The following GNG12 variants were observed in gnomAD, a reference collection of about 807,000 sequenced individuals.
The protein encoded by GNG12 is G protein subunit gamma 12.
For synonymous variants in GNG12, 28 were observed against 29.7 expected, an observed-to-expected ratio of 0.94 and a Z score of 0.19; for missense variants, 69 against 83.8, an observed-to-expected ratio of 0.82 and a Z score of 0.69.
At chr1:67,763,131 A>C (rs1423291568) in intron 2 of GNG12, among the ~76,000 whole-genome samples, 2 of 47,954 alleles carry the variant, frequency 4.2e-5, no homozygotes, top group Non-Finnish European at 1.1e-4. Flanking sequence ...ATCAATATGA[A>C]GTTTTACTCC....
chr1:67,715,368 C>T (rs1437403724), intron 2 of GNG12, among the ~76,000 whole-genome samples: 1 of 152,188 alleles, frequency 6.6e-6, no homozygotes, highest in Non-Finnish European at 1.5e-5. Flanking sequence ...TTATGGCGTT[C>T]CTAGCACACT....
chr1:67,722,013 A>G (rs1646358997), intron 2 of GNG12, among the ~76,000 whole-genome samples: 1 of 152,120 alleles, frequency 6.6e-6, no homozygotes, highest in Non-Finnish European at 1.5e-5. Context: ...CAACAGAGAT[A>G]TTTATGATTC....
intron 1 of GNG12, among the ~76,000 whole-genome samples, chr1:67,779,497 T>C (rs1646724943): frequency 6.7e-6 from 1 of 148,542 alleles, no homozygotes; most frequent in South Asian, 2.1e-4. Context: ...CTCAGGCGCC[T>C]CACTGACAGG....
intron 2 of GNG12, among the ~76,000 whole-genome samples, chr1:67,722,619 G>A (rs1464675270): frequency 6.6e-6 from 1 of 151,812 alleles, no homozygotes; most frequent in Non-Finnish European, 1.5e-5. Flanking sequence ...GGTGGGGGTG[G>A]GGAGAATTTC....
chr1:67,707,775 T>C (rs1204299839), intron 2 of GNG12, 63 bp from the exon 3 acceptor site: 4 of 794,028 alleles, frequency 5.0e-6, no homozygotes, highest in Middle Eastern at 2.6e-4. Context: ...ACATTCATAA[T>C]AATATGTTCT....
At chr1:67,762,206 G>T (rs938183927) in intron 2 of GNG12, among the ~76,000 whole-genome samples, 1 of 152,126 alleles carries the variant, frequency 6.6e-6, no homozygotes, top group Admixed American at 6.5e-5. Flanking sequence ...TCCACAGTAG[G>T]AACTGCCACA....
intron 2 of GNG12, among the ~76,000 whole-genome samples, chr1:67,732,054 A>G (rs1275043216): frequency 6.6e-6 from 1 of 152,244 alleles, no homozygotes; most frequent in Non-Finnish European, 1.5e-5. Context: ...GCAAAAGAAA[A>G]AACACACAGG....
chr1:67,767,105 A>T lies in GNG12; in HGVS notation c.-27+10353T>A, dbSNP rs1316985660. ...CATACAAAATTAGGAATATCACATTAGCTACAGGGCATTGGAATGGGATGT... is the reference window on the plus strand; with the variant it reads ...CATACAAAATTAGGAATATCACATTTGCTACAGGGCATTGGAATGGGATGT... On this transcript the variant is annotated intron_variant, in intron 2 of 3. Transcript: ENST00000370982. Among the ~76,000 whole-genome samples the T allele has an allele frequency of 9.2e-5, 14 of 152,306 alleles. No homozygotes were observed. The East Asian group carries it at 2.7e-3, about 29-fold the overall frequency.
At chr1:67,719,872 T>G (rs927097756) in intron 2 of GNG12, among the ~76,000 whole-genome samples, 1 of 152,230 alleles carries the variant, frequency 6.6e-6, no homozygotes, top group African/African-American at 2.4e-5. Flanking sequence ...CCATGCCATC[T>G]TCTCTCATAT....
At chr1:67,782,848 T>C (rs1286712662) in intron 1 of GNG12, among the ~76,000 whole-genome samples, 1 of 152,194 alleles carries the variant, frequency 6.6e-6, no homozygotes, top group Non-Finnish European at 1.5e-5. Context: ...TCCAGCAGTC[T>C]AGTGCTGCTA....
At chr1:67,831,868 C>A (rs976350592) in intron 1 of GNG12, among the ~76,000 whole-genome samples, 4 of 152,198 alleles carry the variant, frequency 2.6e-5, no homozygotes, top group African/African-American at 9.7e-5. Flanking sequence ...GTCGTTCTAG[C>A]GCTGCCTGCC....
intron 2 of GNG12, among the ~76,000 whole-genome samples, chr1:67,727,074 T>C (rs577431083): frequency 1.1e-4 from 17 of 152,322 alleles, no homozygotes; most frequent in African/African-American, 1.9e-4. Context: ...TGGAGGGAAA[T>C]AGGGCTGCGT....
At chr1:67,783,779 C>A (rs1159221226) in intron 1 of GNG12, among the ~76,000 whole-genome samples, 1 of 152,094 alleles carries the variant, frequency 6.6e-6, no homozygotes, top group African/African-American at 2.4e-5. Flanking sequence ...CCATCTCACA[C>A]CAGTTAGAAT....
At chr1:67,791,899 C>T (rs888833750) in intron 1 of GNG12, among the ~76,000 whole-genome samples, 2 of 152,200 alleles carry the variant, frequency 1.3e-5, no homozygotes, top group African/African-American at 4.8e-5. Flanking sequence ...GCTATGAGAA[C>T]TGGCCTTGGC....
Position 67,753,955 on chromosome 1 carries a change from TCTC to T in GNG12, c.-27+23500_-27+23502del, listed in dbSNP as rs1470926544. Among the ~76,000 whole-genome samples the T allele has an allele frequency of 2.6e-5, 4 of 152,068 alleles. No homozygotes were observed. In the East Asian group the frequency reaches 7.8e-4, roughly 30 times the overall value. Reference sequence around the variant, plus strand: ...GCCAGGGTAAAGGTAGGCGCTCCCTTCTCCTCTTCATGAGGCTGCCCTACACGG... The same window carrying T: ...GCCAGGGTAAAGGTAGGCGCTCCCTTCTCTTCATGAGGCTGCCCTACACGG... On this transcript the variant is annotated intron_variant, in intron 2 of 3. Coordinates refer to ENST00000370982, the MANE Select transcript of GNG12 (RefSeq NM_018841.6).
intron 1 of GNG12, among the ~76,000 whole-genome samples, chr1:67,799,174 C>T (rs557203618): frequency 2.8e-4 from 43 of 152,280 alleles, no homozygotes; most frequent in African/African-American, 1.0e-3. Flanking sequence ...GTTATACATA[C>T]ATTTTCGATT....
intron 1 of GNG12, among the ~76,000 whole-genome samples, chr1:67,819,621 ATTC>A (rs1194505649): frequency 3.3e-5 from 5 of 152,180 alleles, no homozygotes; most frequent in African/African-American, 1.2e-4. Context: ...TTCCCTGCAA[ATTC>A]TTATTTGCAT....
intron 2 of GNG12, among the ~76,000 whole-genome samples, chr1:67,715,640 G>A (rs528853197): frequency 3.3e-5 from 5 of 152,282 alleles, no homozygotes; most frequent in East Asian, 1.9e-4. Flanking sequence ...CTGGGCACCC[G>A]TGGGCAGTTC....
intron 2 of GNG12, among the ~76,000 whole-genome samples, chr1:67,776,647 C>T (rs1323248033): frequency 6.6e-6 from 1 of 152,074 alleles, no homozygotes; most frequent in Non-Finnish European, 1.5e-5. Flanking sequence ...AGAAACAAAG[C>T]CTAGCTGACA....
Sources: allele counts gnomAD v4.1 joint callset (sites outside exome capture counted in the v4.1 genomes callset), GRCh38; gene constraint gnomAD v4.1.1; transcripts MANE v1.5; gene names NCBI Gene and HGNC (gene_info 2026-07-23, HGNC 2026-07-21).